The following ZFHX3 variants were observed in gnomAD, a reference collection of about 807,000 sequenced individuals.
ZFHX3 encodes zinc finger homeobox 3, also known as zinc finger homeobox protein 3.
In ZFHX3, 42 loss-of-function variants were observed where a neutral mutation model predicts 279.1. That is an observed-to-expected ratio of 0.15 (90% CI 0.12 to 0.19). ZFHX3 has a LOEUF of 0.19. ZFHX3 is among the 10% of genes least tolerant of loss of function. The pLI is 1.00. For synonymous variants in ZFHX3, 2,293 were observed against 1,957.8 expected, an observed-to-expected ratio of 1.17 and a Z score of -4.52; for missense variants, 4,981 against 4,754.0, an observed-to-expected ratio of 1.05 and a Z score of -1.40.
At chr16:73,518,465 G>T (rs1310927211) in intron 2 of ZFHX3, among the ~76,000 whole-genome samples, 2 of 152,124 alleles carry the variant, frequency 1.3e-5, no homozygotes, top group African/African-American at 4.8e-5. Context: ...AACCTTTCAT[G>T]AGGAGAAATC....
At chr16:72,985,661 T>C (rs1858801) in intron 1 of ZFHX3, among the ~76,000 whole-genome samples, 86,571 of 151,990 alleles carry the variant, frequency 0.57, 25,041 homozygotes, top group Admixed American at 0.61. Flanking sequence ...TAAAAAGTTG[T>C]ACTGGCTTCC....
chr16:73,634,461 T>TATATATATATATATAA (rs1567538532), intron 2 of ZFHX3, among the ~76,000 whole-genome samples: 1 of 140,982 alleles, frequency 7.1e-6, no homozygotes, highest in African/African-American at 2.8e-5. Flanking sequence ...TATATATATA[T>TATATATATATATATAA]AAAATATATA....
chr16:73,530,421 C>G (rs2019778131), intron 2 of ZFHX3, among the ~76,000 whole-genome samples: 1 of 152,172 alleles, frequency 6.6e-6, no homozygotes, highest in African/African-American at 2.4e-5. Context: ...TCAGGTGTGA[C>G]CAGTACTTCC....
intron 8 of ZFHX3, among the ~76,000 whole-genome samples, chr16:73,089,161 T>C (rs1048425410): frequency 2.0e-5 from 3 of 152,146 alleles, no homozygotes; most frequent in Non-Finnish European, 4.4e-5. Context: ...TGGAGTGCAG[T>C]GACGCGATCT....
intron 1 of ZFHX3, among the ~76,000 whole-genome samples, chr16:73,860,607 T>C (rs564459924): frequency 8.5e-4 from 129 of 152,358 alleles, no homozygotes; most frequent in South Asian, 2.5e-3. Context: ...TTTTGGTCTT[T>C]ATAGAAAGAT....
At chr16:73,682,898 GAAA>G (rs1567550540) in intron 1 of ZFHX3, among the ~76,000 whole-genome samples, 3 of 50,744 alleles carry the variant, frequency 5.9e-5, no homozygotes, top group African/African-American at 2.6e-4. Context: ...AAGAAAGAAA[GAAA>G]GAAAGAGAAA....
At chr16:73,634,852 T>C (rs2052513747) in intron 2 of ZFHX3, among the ~76,000 whole-genome samples, 1 of 152,158 alleles carries the variant, frequency 6.6e-6, no homozygotes, top group Non-Finnish European at 1.5e-5. Context: ...CCAGGATATC[T>C]GTATAACTAT....
chr16:73,161,053 A>G (rs767791481), intron 5 of ZFHX3, among the ~76,000 whole-genome samples: 3 of 151,816 alleles, frequency 2.0e-5, no homozygotes, highest in Non-Finnish European at 4.4e-5. Flanking sequence ...GCTCACTGCA[A>G]CCTCCATATC....
At chr16:73,855,066 A>G (rs1203949158) in intron 1 of ZFHX3, among the ~76,000 whole-genome samples, 1 of 152,164 alleles carries the variant, frequency 6.6e-6, no homozygotes, top group East Asian at 1.9e-4. Flanking sequence ...TCCAGCATGG[A>G]GCAAAATAAA....
intron 7 of ZFHX3, among the ~76,000 whole-genome samples, chr16:73,114,938 G>T (rs566753690): frequency 6.6e-6 from 1 of 152,070 alleles, no homozygotes. Context: ...GACTACAGGC[G>T]CATGCCACCA....
intron 4 of ZFHX3, among the ~76,000 whole-genome samples, chr16:72,835,979 A>C (rs1310550864): frequency 6.6e-6 from 1 of 152,240 alleles, no homozygotes; most frequent in Non-Finnish European, 1.5e-5. Context: ...ATAAAAGATG[A>C]CTACTAAGGC....
chr16:72,985,751 T>C (rs2144554491), intron 1 of ZFHX3, among the ~76,000 whole-genome samples: 1 of 152,260 alleles, frequency 6.6e-6, no homozygotes, highest in East Asian at 1.9e-4. Context: ...AGCTGTCACA[T>C]TCTGGCACTT....
intron 1 of ZFHX3, among the ~76,000 whole-genome samples, chr16:73,777,802 AGGTTACTGC>A (rs1339915343): frequency 9.8e-5 from 15 of 152,318 alleles, no homozygotes; most frequent in African/African-American, 3.6e-4. Context: ...AGGCTCAGGC[AGGTTACTGC>A]CTCAGGTTGC....
At chr16:73,481,580 G>A (rs1489039356) in intron 2 of ZFHX3, among the ~76,000 whole-genome samples, 1 of 152,008 alleles carries the variant, frequency 6.6e-6, no homozygotes, top group Non-Finnish European at 1.5e-5. Flanking sequence ...GACCACAGGT[G>A]CATGCCAGCC....
chr16:73,371,325 A>T (rs1377094674), intron 3 of ZFHX3, among the ~76,000 whole-genome samples: 3 of 151,998 alleles, frequency 2.0e-5, no homozygotes, highest in Non-Finnish European at 4.4e-5. Flanking sequence ...AGACCTCATC[A>T]TTGAATTGTA....
intron 3 of ZFHX3, among the ~76,000 whole-genome samples, chr16:73,381,622 G>A (rs2016819478): frequency 6.6e-6 from 1 of 152,178 alleles, no homozygotes. Context: ...AGATTGGCAA[G>A]CTTTTTCTAT....
At chr16:73,408,115 T>C (rs35942280) in intron 3 of ZFHX3, among the ~76,000 whole-genome samples, 11,934 of 151,246 alleles carry the variant, frequency 0.079, 572 homozygotes, top group South Asian at 0.15. Flanking sequence ...ACTTGTTTTT[T>C]TTTTTTTGCT....
At chr16:73,620,856 G>C (rs2052352063) in intron 2 of ZFHX3, among the ~76,000 whole-genome samples, 1 of 152,214 alleles carries the variant, frequency 6.6e-6, no homozygotes, top group South Asian at 2.1e-4. Context: ...AGAGATGGTT[G>C]AGCAGAAGAG....
intron 4 of ZFHX3, among the ~76,000 whole-genome samples, chr16:72,857,481 G>C (rs935287672): frequency 6.6e-6 from 1 of 152,216 alleles, no homozygotes; most frequent in Non-Finnish European, 1.5e-5. Context: ...GAGCCCAGGA[G>C]TTTGCCCAGC....
Sources: gnomAD v4.1 joint callset for allele counts (sites outside exome capture counted in the v4.1 genomes callset) on GRCh38, gnomAD v4.1.1 for gene constraint, MANE v1.5 for transcripts, NCBI Gene and HGNC (gene_info 2026-07-23, HGNC 2026-07-21) for gene names.